Variants in ABR observed in about 807,000 individuals in gnomAD.
ABR encodes active breakpoint cluster region-related protein.
In ABR, 35 loss-of-function variants were observed where a neutral mutation model predicts 107.2. The observed-to-expected ratio is 0.33, with a 90% CI of 0.25 to 0.43. The LOEUF is 0.43. Among genes scored for constraint, ABR ranks in the 20% least tolerant of loss-of-function variants. ABR has a pLI of 1.00. For synonymous variants in ABR, 498 were observed against 462.0 expected (o/e 1.08, Z -1.00); for missense variants, 815 against 1,115.2 (o/e 0.73, Z 3.83).
intron 1 of ABR, among the ~76,000 whole-genome samples, chr17:1,211,594 T>C (rs2042904179): frequency 6.6e-6 from 1 of 152,212 alleles, no homozygotes; most frequent in Admixed American, 6.5e-5. Context: ...ATAGACACTA[T>C]TAACACATCC....
chr17:1,227,584 C>T (rs2043245775), intron 1 of ABR, among the ~76,000 whole-genome samples: 1 of 152,190 alleles, frequency 6.6e-6, no homozygotes, highest in African/African-American at 2.4e-5. Context: ...CATTCAAATG[C>T]AAACTCATCC....
At chr17:1,226,363 G>A (rs1392735531) in intron 1 of ABR, among the ~76,000 whole-genome samples, 2 of 152,198 alleles carry the variant, frequency 1.3e-5, no homozygotes, top group Non-Finnish European at 2.9e-5. Flanking sequence ...ACATGTATGT[G>A]GCAGTGTGCA....
intron 4 of ABR, among the ~76,000 whole-genome samples, chr17:1,086,321 A>C (rs1029962410): frequency 6.6e-6 from 1 of 152,096 alleles, no homozygotes; most frequent in Admixed American, 6.6e-5. Context: ...CTGGTAACAA[A>C]TGCTCACAAA....
intron 16 of ABR, among the ~76,000 whole-genome samples, chr17:1,016,497 G>T (rs923157477): frequency 2.6e-4 from 39 of 151,788 alleles, no homozygotes; most frequent in African/African-American, 9.5e-4. Flanking sequence ...TTTATTTGTA[G>T]TGGAGATGGG....
intron 16 of ABR, among the ~76,000 whole-genome samples, chr17:1,015,096 T>G (rs2071036016): frequency 6.6e-6 from 1 of 152,034 alleles, no homozygotes; most frequent in Non-Finnish European, 1.5e-5. Flanking sequence ...TATTCAGGAT[T>G]AGTTAGTACC....
At chr17:1,153,441 G>T (rs2245579) in intron 1 of ABR, among the ~76,000 whole-genome samples, 1 of 53,516 alleles carries the variant, frequency 1.9e-5, no homozygotes. Flanking sequence ...CGGGAGGGCT[G>T]GGGGTCCAGG....
rs568464056 is a variant in ABR at position 1,166,225 on chromosome 17, C to A, written c.61+13442G>T. On this transcript the variant is annotated intron_variant, in intron 1 of 22. Coordinates refer to ENST00000302538, the MANE Select transcript of ABR (RefSeq NM_021962.5). ...GACAGGCAAGTCGTCTGACTCCACG[C>A]GGCTGCAAGGCTGAGCTTTTCTGTG... Among the ~76,000 whole-genome samples the A allele has an allele frequency of 5.9e-5, 9 of 152,142 alleles. 1 individual carries two copies. Among genetic ancestry groups the A allele is most frequent in the African/African-American group, 2.2e-4 (9 of 41,424 alleles).
intron 4 of ABR, among the ~76,000 whole-genome samples, chr17:1,085,530 A>T (rs767025770): frequency 4.6e-5 from 7 of 152,190 alleles, no homozygotes; most frequent in South Asian, 4.1e-4. Context: ...AGTTGAACTA[A>T]TAACAGTGTG....
chr17:1,151,026 C>T (rs537841304), intron 1 of ABR, among the ~76,000 whole-genome samples: 4 of 152,292 alleles, frequency 2.6e-5, no homozygotes, highest in African/African-American at 9.6e-5. Flanking sequence ...TGCTCTGCAG[C>T]CAGACTGACT....
chr17:1,130,374 C>T (rs930586350), intron 1 of ABR, among the ~76,000 whole-genome samples: 5 of 152,016 alleles, frequency 3.3e-5, no homozygotes, highest in Non-Finnish European at 7.4e-5. Context: ...TGAGGCATCC[C>T]CGCTCCTCCC....
At chr17:1,053,833 A>G (rs7215899) in intron 14 of ABR, among the ~76,000 whole-genome samples, 22,290 of 128,244 alleles carry the variant, frequency 0.17, 1,754 homozygotes, top group African/African-American at 0.19. Flanking sequence ...ATCTGGGGAC[A>G]TGGAGTGGTG....
intron 16 of ABR, among the ~76,000 whole-genome samples, chr17:1,048,043 G>A (rs746251623): frequency 2.6e-5 from 4 of 152,216 alleles, no homozygotes; most frequent in Non-Finnish European, 5.9e-5. Context: ...TCCTGGGGCT[G>A]CACAGGCCAG....
At chr17:1,142,957 AGGAAGCTCACTCCTGGGG>A (rs2040352171) in intron 1 of ABR, among the ~76,000 whole-genome samples, 2 of 145,180 alleles carry the variant, frequency 1.4e-5, no homozygotes, top group South Asian at 4.5e-4. Flanking sequence ...CACTCCTGGG[AGGAAGCTCACTCCTGGGG>A]GACAGCTCGC....
chr17:1,048,015 G>A (rs897905301), intron 16 of ABR, among the ~76,000 whole-genome samples: 5 of 152,160 alleles, frequency 3.3e-5, no homozygotes, highest in East Asian at 1.9e-4. Flanking sequence ...GCGACCACTC[G>A]TCTCTTGCCT....
chr17:1,016,506 G>C (rs1426103640), intron 16 of ABR, among the ~76,000 whole-genome samples: 1 of 151,836 alleles, frequency 6.6e-6, no homozygotes, highest in Non-Finnish European at 1.5e-5. Context: ...AGTGGAGATG[G>C]GGTTTCACCA....
At chr17:1,167,915 G>A (rs1433500618) in intron 1 of ABR, among the ~76,000 whole-genome samples, 2 of 152,214 alleles carry the variant, frequency 1.3e-5, no homozygotes, top group Admixed American at 6.5e-5. Context: ...CACTTTGGGA[G>A]GCCGAGGCGG....
chr17:1,068,054 T>TC (rs1394444087), intron 9 of ABR, among the ~76,000 whole-genome samples: 1 of 152,202 alleles, frequency 6.6e-6, no homozygotes, highest in Non-Finnish European at 1.5e-5. Flanking sequence ...CACCTCATTC[T>TC]CCCAAGTAGC....
In ABR at chr17:1,054,292, G is replaced by A. The variant is rs138381684; in HGVS notation, c.1561+1743C>T. 5.1e-3 allele frequency among the ~76,000 whole-genome samples: 778 copies of A among 152,340 alleles called. 6 individuals carry two copies. Among genetic ancestry groups the A allele is most frequent in the African/African-American group, 0.018 (736 of 41,582 alleles). On this transcript the variant is annotated intron_variant, in intron 14 of 22. Coordinates refer to ENST00000302538, the MANE Select transcript of ABR (RefSeq NM_021962.5). ...CTTCTCCAGGTGCACGGTAGGTGCT[G>A]TGTAAATTAACGACTTCATTCCACA...
chr17:1,075,037 G>A (rs940330880), intron 6 of ABR, among the ~76,000 whole-genome samples: 4 of 152,230 alleles, frequency 2.6e-5, no homozygotes, highest in African/African-American at 9.6e-5. Context: ...CCTCACATAT[G>A]AGAGCCCCAA....
Sources: gnomAD v4.1 joint callset for allele counts (sites outside exome capture counted in the v4.1 genomes callset) on GRCh38, gnomAD v4.1.1 for gene constraint, MANE v1.5 for transcripts, NCBI Gene and HGNC (gene_info 2026-07-23, HGNC 2026-07-21) for gene names.